FKBP3: variants seen among roughly 807,000 people sequenced by gnomAD.
The protein encoded by FKBP3 is FKBP prolyl isomerase 3.
In FKBP3, 21 loss-of-function variants were observed where a neutral mutation model predicts 30.6. The ratio of observed to expected loss-of-function variants is 0.69; its 90% CI spans 0.49 to 0.99. The LOEUF is 0.99. FKBP3 is among the 50% of genes least tolerant of loss of function. The probability of loss-of-function intolerance (pLI) is 0.00; values close to 1 mark genes in which losing one functional copy is unlikely to be tolerated. For missense variants in FKBP3, 283 were observed against 261.6 expected, an observed-to-expected ratio of 1.08 and a Z score of -0.56; for synonymous variants, 82 against 91.3, an observed-to-expected ratio of 0.90 and a Z score of 0.58.
intron 1 of FKBP3, 57 bp from the exon 2 acceptor site, chr14:45,130,857 A>G (rs899804971): frequency 1.1e-5 from 11 of 989,102 alleles, no homozygotes; most frequent in Non-Finnish European, 1.5e-5. Flanking sequence ...GAAGTGTCTA[A>G]AATTAGAAAA....
chr14:45,129,904 G>T lies in FKBP3; in HGVS notation c.211-3C>A. 1.3e-6 allele frequency: 2 copies of T among 1,593,008 alleles called. No individual in the cohort carries two copies. The highest frequency in any genetic ancestry group is 1.7e-6 in the Non-Finnish European group (2 of 1,165,010). The stretch of plus-strand genomic sequence containing the variant: ...ATACTTTCAGTACCCTTAAAACGCT[G>T]TAAGGAAAATGTTGTAACATCATAC... On this transcript the variant is annotated splice_polypyrimidine_tract_variant and splice_region_variant and intron_variant, in intron 2 of 6. Transcript: ENST00000396062.
intron 3 of FKBP3, among the ~76,000 whole-genome samples, chr14:45,125,486 A>C (rs1448029145): frequency 6.6e-6 from 1 of 152,210 alleles, no homozygotes; most frequent in Non-Finnish European, 1.5e-5. Context: ...ACTGACTTCT[A>C]ATTGCTAAGT....
At position 45,121,485 on chromosome 14, in the gene FKBP3, T is replaced by G. The variant is rs1388664767; in HGVS notation, c.454A>C (p.Ser152Arg). Residue 152 changes from serine to arginine, a missense_variant and splice_region_variant, in exon 4 of 7, where the codon AGT (serine) becomes CGT (arginine). Coordinates refer to ENST00000396062, the MANE Select transcript of FKBP3 (RefSeq NM_002013.4). ...GTVFDTNIQT[S>R]AKKKKNAKPL... ...AACATAAGATTCCATTTAGACTTACTTGTTTGAATATTAGTATCAAAAACA... is the reference window on the plus strand; with the variant it reads ...AACATAAGATTCCATTTAGACTTACGTGTTTGAATATTAGTATCAAAAACA... The G allele has an allele frequency of 1.9e-5, 31 of 1,610,142 alleles. No individual in the cohort carries two copies. Among genetic ancestry groups the G allele is most frequent in the Non-Finnish European group, 2.4e-5 (28 of 1,178,044 alleles).
intron 3 of FKBP3, among the ~76,000 whole-genome samples, chr14:45,128,363 G>A (rs538455442): frequency 1.3e-5 from 2 of 152,192 alleles, no homozygotes; most frequent in East Asian, 1.9e-4. Context: ...AGAGAAAGGA[G>A]TAAGAAGGGA....
At chr14:45,121,463 A>G (rs770950608) in intron 4 of FKBP3, 22 bp downstream of exon 4, 18 of 1,602,720 alleles carry the variant, frequency 1.1e-5, no homozygotes, top group South Asian at 2.2e-5. Flanking sequence ...AGCCAAAAAC[A>G]TAAGATTCCA....
intron 6 of FKBP3, 71 bp from the exon 7 acceptor site, chr14:45,116,323 A>G: frequency 9.4e-7 from 1 of 1,065,128 alleles, no homozygotes; most frequent in Non-Finnish European, 1.5e-6. Context: ...AGTGTAGGAT[A>G]GGCTGACTAG....
rs964893414 is a variant in FKBP3 at position 45,134,453 on chromosome 14, C to T, written c.4G>A (p.Ala2Thr). ...CACGCCCGCTGTGGAACGGCCGCCG[C>T]CATCTTCCCCCGCTGCCTCCGCTTT... M[A>T]AAVPQRAWTV... Residue 2 changes from alanine (A) to threonine (T), a missense_variant, in exon 1 of 7, where the codon GCG becomes ACG. Physicochemically the swap from Ala to Thr is moderately conservative, Grantham distance 58. Transcript: ENST00000396062. The T allele has an allele frequency of 2.5e-6, 4 of 1,609,822 alleles. No individual in the cohort carries two copies. The African/African-American group carries it at 4.0e-5, about 16-fold the overall frequency.
rs1885191765 is a variant in FKBP3, at chr14:45,130,619, A to G, written c.210+80T>C. 5 of 830,534 alleles carry G rather than the reference A, an allele frequency of 6.0e-6. No homozygotes were observed. The South Asian group carries it at 9.0e-5, about 15-fold the overall frequency. The allele number at this position is 830,534 out of a possible 1,614,324, so 51.4% of individuals were successfully genotyped here. Reference sequence around the variant, plus strand: ...TGGAAAAGCTCCAACACATTCAACAAATCAATGCATTTTAAACATCTTTTT... The same window carrying G: ...TGGAAAAGCTCCAACACATTCAACAGATCAATGCATTTTAAACATCTTTTT... On this transcript the variant is annotated intron_variant, in intron 2 of 6. Transcript: ENST00000396062.
At chr14:45,121,756 C>T (rs1884991219) in intron 3 of FKBP3, 136 bp from the exon 4 acceptor site, 2 of 900,190 alleles carry the variant, frequency 2.2e-6, no homozygotes, top group East Asian at 2.5e-5. Flanking sequence ...CAAACAAAAC[C>T]CTCAGTATCT....
chr14:45,129,531 G>T (rs1005121992), intron 3 of FKBP3, among the ~76,000 whole-genome samples: 2 of 152,142 alleles, frequency 1.3e-5, no homozygotes, highest in African/African-American at 4.8e-5. Flanking sequence ...AGCTCAGAAG[G>T]TCTGGACAGA....
At chr14:45,127,981 G>T (rs1457463992) in intron 3 of FKBP3, among the ~76,000 whole-genome samples, 1 of 152,182 alleles carries the variant, frequency 6.6e-6, no homozygotes, top group Non-Finnish European at 1.5e-5. Context: ...TTTAAGCTCA[G>T]AAGAAGGGAA....
rs775130834 is a variant in FKBP3 at position 45,129,900 on chromosome 14, C to T, written c.212G>A (p.Arg71His). The stretch of plus-strand genomic sequence containing the variant: ...ACTTATACTTTCAGTACCCTTAAAA[C>T]GCTGTAAGGAAAATGTTGTAACATC... ...TAYNHLFETK[R>H]FKGTESISKV... Residue 71 changes from arginine (R) to histidine (H), a missense_variant and splice_region_variant, in exon 3 of 7, where the codon CGT becomes CAT. By Grantham distance (29) the Arg-to-His change is conservative. Transcript: ENST00000396062. 23 of 1,600,508 alleles carry T rather than the reference C, an allele frequency of 1.4e-5. No individual in the cohort carries two copies. The highest frequency in any genetic ancestry group is 3.4e-5 in the Admixed American group (2 of 58,998).
rs903773569 is a variant in FKBP3, at chr14:45,115,957, A to T, written c.*241T>A. 2.3e-6 allele frequency: 1 copy of T among 441,626 alleles called. No individual in the cohort carries two copies. The highest frequency in any genetic ancestry group is 3.4e-5 in the East Asian group (1 of 29,764). The allele number at this position is 441,626 out of a possible 1,614,324, so 27.4% of individuals were successfully genotyped here. On this transcript the variant is annotated 3_prime_UTR_variant, in exon 7 of 7. Transcript: ENST00000396062. ...ACTTAAGTTTACAACATGAGGTAAA[A>T]GGAAAAAGTTCTCCTTGACCAGTAT...
chr14:45,132,164 AT>A (rs1442681517), intron 1 of FKBP3, among the ~76,000 whole-genome samples: 2 of 152,048 alleles, frequency 1.3e-5, no homozygotes. Flanking sequence ...TCACTATTGT[AT>A]TTTTTTCTTT....
At chr14:45,125,259 A>T (rs995468981) in intron 3 of FKBP3, among the ~76,000 whole-genome samples, 1 of 152,264 alleles carries the variant, frequency 6.6e-6, no homozygotes, top group African/African-American at 2.4e-5. Flanking sequence ...AATATAAAAA[A>T]TGACTTGGGA....
At chr14:45,116,505 G>T (rs774330847) in intron 6 of FKBP3, among the ~76,000 whole-genome samples, 6 of 151,914 alleles carry the variant, frequency 3.9e-5, no homozygotes, top group African/African-American at 1.2e-4. Context: ...TACATATAGA[G>T]AGAGAGTATT....
rs1420817970 is a variant in FKBP3, at chr14:45,126,756, G to T, written c.318+3038C>A. The stretch of plus-strand genomic sequence containing the variant: ...CAGTTATTCTGAGTATTCTGAGGCA[G>T]GAGGATCACTGGAGCCCACGAGTTT... On this transcript the variant is annotated intron_variant, in intron 3 of 6. Transcript: ENST00000396062. Among the ~76,000 whole-genome samples the T allele has an allele frequency of 3.9e-5, 6 of 152,190 alleles. 1 individual carries two copies. In the South Asian group the frequency reaches 1.2e-3, roughly 32 times the overall value.
chr14:45,118,084 A>G lies in FKBP3; in HGVS notation c.564T>C (p.Ala188=). ...CCCATTCTGGTTCAATCTCCAGTCGAGCCTTTTCTCCTTTACTCATAGTCA... is the reference window on the plus strand; with the variant it reads ...CCCATTCTGGTTCAATCTCCAGTCGGGCCTTTTCTCCTTTACTCATAGTCA... ...ALLTMSKGEK[A]RLEIEPEWAY... is the part of the protein sequence containing the mutation. Residue 188 remains alanine, a synonymous_variant, in exon 6 of 7, where the codon GCT becomes GCC. Coordinates refer to ENST00000396062, the MANE Select transcript of FKBP3 (RefSeq NM_002013.4). 3 of 1,608,722 alleles carry G rather than the reference A, an allele frequency of 1.9e-6. No individual in the cohort carries two copies. Among genetic ancestry groups the G allele is most frequent in the Non-Finnish European group, 2.5e-6 (3 of 1,178,418 alleles).
chr14:45,132,134 G>C (rs1443969675), intron 1 of FKBP3, among the ~76,000 whole-genome samples: 2 of 152,086 alleles, frequency 1.3e-5, no homozygotes, highest in Admixed American at 1.3e-4. Flanking sequence ...AACATTATTA[G>C]CAGTTAACAG....
Sources: allele counts gnomAD v4.1 joint callset (sites outside exome capture counted in the v4.1 genomes callset), GRCh38; gene constraint gnomAD v4.1.1; transcripts MANE v1.5; gene names NCBI Gene and HGNC (gene_info 2026-07-23, HGNC 2026-07-21).